The following METTL15 variants were observed in gnomAD, a reference collection of about 807,000 sequenced individuals.
The protein encoded by METTL15 is methyltransferase 15, mitochondrial 12S rRNA N4-cytidine, also known as 12S rRNA N(4)-cytidine methyltransferase METTL15.
In METTL15, 34 loss-of-function variants were observed where a neutral mutation model predicts 38.3. The ratio of observed to expected loss-of-function variants is 0.89; its 90% CI spans 0.68 to 1.18. The LOEUF (loss-of-function observed/expected upper bound fraction) is 1.18, where lower values mean the gene tolerates loss of function less well. METTL15 is among the 50% of genes most tolerant of loss of function. The probability of loss-of-function intolerance (pLI) is 0.00; values close to 1 mark genes in which losing one functional copy is unlikely to be tolerated. For synonymous variants in METTL15, 162 were observed against 170.9 expected (o/e 0.95, Z 0.41); for missense variants, 438 against 498.4 (o/e 0.88, Z 1.15).
At chr11:28,340,101 C>T (rs1023404691) in intron 3 of METTL15, among the ~76,000 whole-genome samples, 11 of 152,068 alleles carry the variant, frequency 7.2e-5, no homozygotes, top group Non-Finnish European at 1.2e-4. Flanking sequence ...GAGAAGTATA[C>T]GTACACTAAT....
intron 5 of METTL15, among the ~76,000 whole-genome samples, chr11:28,403,482 G>T (rs1850647521): frequency 6.6e-6 from 1 of 152,022 alleles, no homozygotes; most frequent in African/African-American, 2.4e-5. Context: ...GTTCAGAGGT[G>T]TATGTATATT....
chr11:28,109,853 A>G (rs1851642906), intron 1 of METTL15, among the ~76,000 whole-genome samples: 1 of 152,222 alleles, frequency 6.6e-6, no homozygotes, highest in Non-Finnish European at 1.5e-5. Flanking sequence ...CATATTTTAA[A>G]GGAATTGTAC....
intron 6 of METTL15, among the ~76,000 whole-genome samples, chr11:28,428,289 G>A (rs1003701932): frequency 6.6e-6 from 1 of 152,104 alleles, no homozygotes; most frequent in Non-Finnish European, 1.5e-5. Context: ...GTAAGTATGT[G>A]TGTGTCTACA....
chr11:28,325,919 A>G (rs1849620234), intron 6 of METTL15, among the ~76,000 whole-genome samples: 1 of 152,240 alleles, frequency 6.6e-6, no homozygotes, highest in South Asian at 2.1e-4. Context: ...TACTAGGGGT[A>G]AGCACACCTC....
chr11:28,286,346 G>T (rs77716899), intron 4 of METTL15, among the ~76,000 whole-genome samples: 3,036 of 152,180 alleles, frequency 0.02, 114 homozygotes, highest in African/African-American at 0.069. Context: ...ATAAGTTAGG[G>T]TTTGATTAAA....
intron 6 of METTL15, among the ~76,000 whole-genome samples, chr11:28,311,061 A>G (rs940911496): frequency 6.6e-6 from 1 of 151,098 alleles, no homozygotes; most frequent in Non-Finnish European, 1.5e-5. Context: ...CAAGTTGGGC[A>G]TGGTCTTTGA....
chr11:28,211,062 A>G lies in METTL15; in HGVS notation c.271A>G (p.Ile91Val). 6.2e-7 allele frequency: 1 copy of G among 1,601,246 alleles called. No individual in the cohort carries two copies. Among genetic ancestry groups the G allele is most frequent in the South Asian group, 1.1e-5 (1 of 88,346 alleles). Reference protein sequence around the residue: ...VHCLSPQKGQIFLDMTFGSGG... With the variant: ...VHCLSPQKGQVFLDMTFGSGG... ...AATTTTCTTTTTCTGTGTTTGCTAG[A>G]TTTTTCTAGATATGACATTTGGTTC... Residue 91 changes from isoleucine to valine, a missense_variant and splice_region_variant, in exon 4 of 7, where the codon ATT (isoleucine) becomes GTT (valine). Transcript: ENST00000407364.
intron 4 of METTL15, among the ~76,000 whole-genome samples, chr11:28,284,571 T>A (rs561861964): frequency 6.6e-6 from 1 of 152,014 alleles, no homozygotes; most frequent in South Asian, 2.1e-4. Flanking sequence ...TTTAAAAAAA[T>A]AGCAAAACTG....
At chr11:28,418,596 A>G (rs566407010) in intron 5 of METTL15, among the ~76,000 whole-genome samples, 1 of 152,172 alleles carries the variant, frequency 6.6e-6, no homozygotes, top group Non-Finnish European at 1.5e-5. Context: ...TATACAAAAT[A>G]GCCCTTCATA....
At chr11:28,206,549 C>T (rs1240610767) in intron 3 of METTL15, among the ~76,000 whole-genome samples, 1 of 151,154 alleles carries the variant, frequency 6.6e-6, no homozygotes, top group Non-Finnish European at 1.5e-5. Context: ...CGTGATGCCT[C>T]CAGTTTTGTT....
chr11:28,219,457 T>G lies in METTL15; in HGVS notation c.407+8259T>G, dbSNP rs1490092807. Among the ~76,000 whole-genome samples, 3 of 152,176 alleles carry G rather than the reference T, an allele frequency of 2.0e-5. No homozygotes were observed. The East Asian group carries it at 5.8e-4, about 29-fold the overall frequency. On this transcript the variant is annotated intron_variant, in intron 4 of 6. Transcript: ENST00000407364. ...TATTTGATTCTTCTCTCTTTTCTTC[T>G]TTATTAGTCTTGCTAGCAGTCTATC...
intron 3 of METTL15, among the ~76,000 whole-genome samples, chr11:28,145,934 C>G (rs1590807852): frequency 6.6e-6 from 1 of 151,980 alleles, no homozygotes; most frequent in East Asian, 1.9e-4. Context: ...TTCTTCGCAT[C>G]TGAATTTTGT....
intron 6 of METTL15, among the ~76,000 whole-genome samples, chr11:28,452,312 C>G (rs1851129819): frequency 6.6e-6 from 1 of 152,208 alleles, no homozygotes; most frequent in Non-Finnish European, 1.5e-5. Flanking sequence ...GCACCCCAAC[C>G]TCACAATGTG....
intron 3 of METTL15, among the ~76,000 whole-genome samples, chr11:28,129,057 C>A (rs1009931615): frequency 6.6e-6 from 1 of 152,120 alleles, no homozygotes; most frequent in African/African-American, 2.4e-5. Flanking sequence ...AACTTGTCCT[C>A]ATAGGACATG....
chr11:28,315,726 C>A (rs903208760), intron 6 of METTL15, among the ~76,000 whole-genome samples: 1 of 152,154 alleles, frequency 6.6e-6, no homozygotes, highest in African/African-American at 2.4e-5. Flanking sequence ...AGGCCCAAGG[C>A]CCCCCTGTTC....
chr11:28,202,912 G>A (rs774631957), intron 3 of METTL15, among the ~76,000 whole-genome samples: 1 of 151,882 alleles, frequency 6.6e-6, no homozygotes. Context: ...GGCTAAAAAT[G>A]TTTTCATGTT....
At chr11:28,496,230 G>T (rs1466434057) in intron 6 of METTL15, among the ~76,000 whole-genome samples, 1 of 152,230 alleles carries the variant, frequency 6.6e-6, no homozygotes, top group Non-Finnish European at 1.5e-5. Flanking sequence ...CAGAAGCAAA[G>T]TTATGTCTTA....
chr11:28,223,433 G>A (rs1283533703), intron 4 of METTL15, among the ~76,000 whole-genome samples: 1 of 152,040 alleles, frequency 6.6e-6, no homozygotes, highest in Non-Finnish European at 1.5e-5. Flanking sequence ...ATCGATCAAT[G>A]GATAGTTGGT....
At chr11:28,303,306 G>A (rs1000594331) in intron 6 of METTL15, among the ~76,000 whole-genome samples, 4 of 152,032 alleles carry the variant, frequency 2.6e-5, no homozygotes. Context: ...TAATAGTTAT[G>A]ATAATAATCA....
Sources: allele counts gnomAD v4.1 joint callset (sites outside exome capture counted in the v4.1 genomes callset), GRCh38; gene constraint gnomAD v4.1.1; transcripts MANE v1.5; gene names NCBI Gene and HGNC (gene_info 2026-07-23, HGNC 2026-07-21).